CCDC150: variants seen among roughly 807,000 people sequenced by gnomAD.
CCDC150 encodes the protein coiled-coil domain containing 150, also known as coiled-coil domain-containing protein 150.
CCDC150 carries 151 observed loss-of-function variants against 156.5 expected under a neutral mutation model. The ratio of observed to expected loss-of-function variants is 0.97; its 90% CI spans 0.85 to 1.10. The LOEUF (loss-of-function observed/expected upper bound fraction) is 1.10. Ranked by LOEUF, CCDC150 falls within the 50% of genes least tolerant of loss-of-function variation. The pLI is 0.00. For synonymous variants in CCDC150, 452 were observed against 429.4 expected (o/e 1.05, Z -0.65); for missense variants, 1,312 against 1,268.1 (o/e 1.03, Z -0.53).
At chr2:196,720,879 T>C (rs1457797136) in intron 20 of CCDC150, among the ~76,000 whole-genome samples, 1 of 152,140 alleles carries the variant, frequency 6.6e-6, no homozygotes, top group Non-Finnish European at 1.5e-5. Context: ...ATGACTAAAC[T>C]CTTTGTCTTA....
At chr2:196,646,587 T>A in intron 2 of CCDC150, 83 bp downstream of exon 2, 1 of 987,266 alleles carries the variant, frequency 1.0e-6, no homozygotes, top group Non-Finnish European at 1.6e-6. Flanking sequence ...GCAGATGAGA[T>A]GGATATTTGC....
intron 13 of CCDC150, among the ~76,000 whole-genome samples, chr2:196,678,151 ATTGCTGT>A (rs1360689364): frequency 7.9e-5 from 12 of 152,188 alleles, no homozygotes. Flanking sequence ...TCTTTAAAAC[ATTGCTGT>A]TTGCGTTTCA....
intron 15 of CCDC150, among the ~76,000 whole-genome samples, chr2:196,703,747 T>C (rs1486075864): frequency 3.9e-5 from 6 of 152,186 alleles, no homozygotes; most frequent in Non-Finnish European, 8.8e-5. Flanking sequence ...GGGAATGAAA[T>C]ATATTTTATA....
intron 7 of CCDC150, chr2:196,667,298 G>C (rs1039540590): frequency 5.2e-6 from 1 of 193,752 alleles, no homozygotes; most frequent in African/African-American, 2.4e-5. Flanking sequence ...TATTTGTAGA[G>C]ATGGATAGTT....
At chr2:196,703,174 A>G (rs1324326149) in intron 15 of CCDC150, among the ~76,000 whole-genome samples, 1 of 152,228 alleles carries the variant, frequency 6.6e-6, no homozygotes, top group Non-Finnish European at 1.5e-5. Flanking sequence ...AGCTGATTTG[A>G]TAAGTAATCT....
intron 15 of CCDC150, among the ~76,000 whole-genome samples, chr2:196,707,146 A>AT (rs1405474184): frequency 6.6e-6 from 1 of 151,976 alleles, no homozygotes; most frequent in South Asian, 2.1e-4. Flanking sequence ...GGTCCTGGAC[A>AT]TTTTTTGGTT....
At chr2:196,724,803 T>C (rs1369960408) in intron 21 of CCDC150, among the ~76,000 whole-genome samples, 8 of 152,194 alleles carry the variant, frequency 5.3e-5, no homozygotes. Context: ...TCTCCATGAA[T>C]TTTTTGCTCA....
chr2:196,663,119 G>A (rs1693646728), intron 5 of CCDC150, among the ~76,000 whole-genome samples: 3 of 151,994 alleles, frequency 2.0e-5, no homozygotes. Context: ...CACTCCTTTA[G>A]TACCAGGTAC....
chr2:196,676,663 G>A lies in CCDC150; in HGVS notation c.1372G>A (p.Gly458Ser), dbSNP rs953034823. 6.2e-7 allele frequency: 1 copy of A among 1,613,774 alleles called. No homozygotes were observed. The highest frequency in any genetic ancestry group is 8.5e-7 in the Non-Finnish European group (1 of 1,179,746). ...LLESTIARLR[G>S]ELEASMQEKK... Reference sequence around the variant, plus strand: ...AGAATCAACTATTGCAAGATTGCGAGGTGAATTGGAAGCATCAATGCAAGA... The same window carrying A: ...AGAATCAACTATTGCAAGATTGCGAAGTGAATTGGAAGCATCAATGCAAGA... Residue 458 changes from glycine to serine, a missense_variant, in exon 12 of 28, where the codon GGT becomes AGT. By Grantham distance (56) the Gly-to-Ser change is moderately conservative (BLOSUM62 0). Coordinates refer to ENST00000389175, the MANE Select transcript of CCDC150 (RefSeq NM_001080539.2).
chr2:196,726,009 A>T lies in CCDC150; in HGVS notation c.2466A>T (p.Glu822Asp). The change falls in exon 22 of 28, where the codon GAA (glutamate) becomes GAT (aspartate). Residue 822 changes from glutamate to aspartate, a missense_variant. Glu to Asp is a conservative substitution (Grantham distance 45). Coordinates refer to ENST00000389175, the MANE Select transcript of CCDC150 (RefSeq NM_001080539.2). ...RMTEESKVEA[E>D]LHAERIEALR... ...CTGAAGAGTCCAAAGTGGAAGCAGA[A>T]TTGCATGCTGAACGCATAGAAGCTC... is the stretch of plus-strand genomic sequence containing the variant. The T allele has an allele frequency of 6.2e-7, 1 of 1,605,554 alleles. No individual in the cohort carries two copies. Among genetic ancestry groups the T allele is most frequent in the Non-Finnish European group, 8.5e-7 (1 of 1,175,714 alleles).
At position 196,676,143 on chromosome 2, in the gene CCDC150, G is replaced by A. The variant is rs754327769; in HGVS notation, c.1138G>A (p.Val380Ile). The A allele has an allele frequency of 6.2e-7, 1 of 1,613,372 alleles. No homozygotes were observed. Among genetic ancestry groups the A allele is most frequent in the East Asian group, 2.2e-5 (1 of 44,854 alleles). ...TTCTAATATTGCTTTTAACACTCAG[G>A]TAGAGCAGAAAATGATGACGCAGAC... ...IIADHQAILQ[V>I]EQKMMTQTFQ... Residue 380 changes from valine to isoleucine, a missense_variant and splice_region_variant, in exon 11 of 28, where the codon GTA becomes ATA. By Grantham distance (29) the Val-to-Ile change is conservative. Transcript: ENST00000389175.
chr2:196,726,745 CAT>C (rs1233329916), intron 22 of CCDC150: 1 of 152,366 alleles, frequency 6.6e-6, no homozygotes, highest in Non-Finnish European at 1.5e-5. Context: ...ATGAACAGGA[CAT>C]GTGAGCAGAT....
intron 18 of CCDC150, 85 bp from the exon 19 acceptor site, chr2:196,719,412 C>A: frequency 9.1e-7 from 1 of 1,104,050 alleles, no homozygotes; most frequent in East Asian, 2.8e-5. Context: ...GCTTTCCATG[C>A]TCTTTCCTGG....
At chr2:196,693,482 A>T in intron 13 of CCDC150, among the ~76,000 whole-genome samples, 1 of 152,258 alleles carries the variant, frequency 6.6e-6, no homozygotes, top group East Asian at 1.9e-4. Context: ...ATATAGAAAT[A>T]CAATAGATTT....
intron 17 of CCDC150, among the ~76,000 whole-genome samples, chr2:196,718,122 G>A (rs559405290): frequency 1.3e-5 from 2 of 151,940 alleles, no homozygotes; most frequent in Non-Finnish European, 2.9e-5. Flanking sequence ...GAATTTTCTT[G>A]TATTTCTTTC....
intron 13 of CCDC150, among the ~76,000 whole-genome samples, chr2:196,677,892 A>T (rs1229708621): frequency 6.6e-6 from 1 of 152,126 alleles, no homozygotes; most frequent in Non-Finnish European, 1.5e-5. Context: ...CGGGAGGCTG[A>T]GGCAGGAGAA....
chr2:196,650,599 G>A (rs559096346), intron 2 of CCDC150, among the ~76,000 whole-genome samples: 120 of 152,222 alleles, frequency 7.9e-4, no homozygotes, highest in African/African-American at 2.8e-3. Context: ...TCACCATGTT[G>A]GTCAGGCTGA....
intron 5 of CCDC150, among the ~76,000 whole-genome samples, chr2:196,665,044 T>C (rs1446121214): frequency 6.6e-6 from 1 of 152,114 alleles, no homozygotes; most frequent in Non-Finnish European, 1.5e-5. Flanking sequence ...AAAAAATATG[T>C]AGATAAATCA....
intron 26 of CCDC150, among the ~76,000 whole-genome samples, chr2:196,731,825 C>T (rs1698537025): frequency 6.6e-6 from 1 of 152,162 alleles, no homozygotes; most frequent in Non-Finnish European, 1.5e-5. Flanking sequence ...GCATGAAAAG[C>T]AGCAAGTCTG....
Sources: allele counts gnomAD v4.1 joint callset (sites outside exome capture counted in the v4.1 genomes callset), GRCh38; gene constraint gnomAD v4.1.1; transcripts MANE v1.5; gene names NCBI Gene and HGNC (gene_info 2026-07-23, HGNC 2026-07-21).